The following EIF3H variants were observed in gnomAD, a reference collection of about 807,000 sequenced individuals.
EIF3H encodes eIF-3-gamma.
Under a neutral mutation model 44.2 loss-of-function variants are expected in EIF3H, and 26 were observed. The observed-to-expected ratio is 0.59, with a 90% CI of 0.43 to 0.82. The LOEUF (loss-of-function observed/expected upper bound fraction) is 0.82, where lower values mean the gene tolerates loss of function less well. EIF3H is among the 40% of genes least tolerant of loss of function. The probability of loss-of-function intolerance (pLI) is 0.00; values close to 1 mark genes in which losing one functional copy is unlikely to be tolerated. For missense variants in EIF3H, 359 were observed against 432.8 expected, an observed-to-expected ratio of 0.83 and a Z score of 1.51; for synonymous variants, 166 against 151.9, an observed-to-expected ratio of 1.09 and a Z score of -0.68.
At chr8:116,755,513 C>T (rs1410298264) in intron 1 of EIF3H, among the ~76,000 whole-genome samples, 153 bp downstream of exon 1, 1 of 152,152 alleles carries the variant, frequency 6.6e-6, no homozygotes, top group East Asian at 1.9e-4. Context: ...AGCTCCTGAA[C>T]AAAAAGTGAA....
At chr8:116,736,188 G>GT (rs967185270) in intron 1 of EIF3H, among the ~76,000 whole-genome samples, 1 of 152,184 alleles carries the variant, frequency 6.6e-6, no homozygotes, top group Admixed American at 6.5e-5. Flanking sequence ...CAAAACAATA[G>GT]TAACAGGAAG....
rs181559691 is a variant in EIF3H at position 116,702,418 on chromosome 8, T to C, written c.289+23598A>G. Among the ~76,000 whole-genome samples, 69 of 152,352 alleles carry C rather than the reference T, an allele frequency of 4.5e-4. 2 individuals are homozygous for C. The highest frequency in any genetic ancestry group is 2.8e-3 in the Admixed American group (43 of 15,300). On this transcript the variant is annotated intron_variant, in intron 2 of 7. Coordinates refer to ENST00000521861, the MANE Select transcript of EIF3H (RefSeq NM_003756.3). ...CTTCATCTCCTGAAATCATTTCCTATACCAGTCATTTAGCCATAACCACGT... is the reference window on the plus strand; with the variant it reads ...CTTCATCTCCTGAAATCATTTCCTACACCAGTCATTTAGCCATAACCACGT...
intron 1 of EIF3H, among the ~76,000 whole-genome samples, chr8:116,737,030 G>C (rs1815054000): frequency 6.6e-6 from 1 of 152,056 alleles, no homozygotes; most frequent in Non-Finnish European, 1.5e-5. Context: ...TTTGTTCCTA[G>C]AAAAGCCTGT....
At chr8:116,743,798 AAACACACACACACACACACACAC>A (rs1815179628) in intron 1 of EIF3H, among the ~76,000 whole-genome samples, 19 of 79,664 alleles carry the variant, frequency 2.4e-4, no homozygotes, top group Admixed American at 6.3e-4. Context: ...ATATATATAT[AAACACACACACACACACACACAC>A]ACACACACAC....
At chr8:116,715,252 G>C (rs745938131) in intron 2 of EIF3H, among the ~76,000 whole-genome samples, 14 of 151,696 alleles carry the variant, frequency 9.2e-5, no homozygotes, top group Non-Finnish European at 1.8e-4. Context: ...TATGTTAACA[G>C]TCGACACTAG....
intron 2 of EIF3H, among the ~76,000 whole-genome samples, chr8:116,659,445 A>G (rs1329383188): frequency 6.6e-6 from 1 of 152,220 alleles, no homozygotes; most frequent in Non-Finnish European, 1.5e-5. Flanking sequence ...AAAACTAAGG[A>G]GAAACAACTA....
At chr8:116,752,106 A>G (rs1815353967) in intron 1 of EIF3H, among the ~76,000 whole-genome samples, 1 of 152,244 alleles carries the variant, frequency 6.6e-6, no homozygotes, top group Non-Finnish European at 1.5e-5. Context: ...GACTGGGGTC[A>G]CACACCAATA....
At chr8:116,729,673 A>G (rs1374118589) in intron 1 of EIF3H, among the ~76,000 whole-genome samples, 1 of 152,222 alleles carries the variant, frequency 6.6e-6, no homozygotes, top group Non-Finnish European at 1.5e-5. Flanking sequence ...AACAATCAGT[A>G]TGAGTAAGAA....
At chr8:116,752,753 G>GAAAGAAAGA (rs1586496494) in intron 1 of EIF3H, among the ~76,000 whole-genome samples, 2 of 10,268 alleles carry the variant, frequency 1.9e-4, no homozygotes, top group Non-Finnish European at 4.8e-4. Flanking sequence ...AAGAAAGAAA[G>GAAAGAAAGA]AGGGAGGGAG....
chr8:116,752,164 C>A (rs1469694344), intron 1 of EIF3H, among the ~76,000 whole-genome samples: 2 of 152,088 alleles, frequency 1.3e-5, no homozygotes, highest in Admixed American at 1.3e-4. Flanking sequence ...AAACCATAAA[C>A]CATGAAAATT....
intron 2 of EIF3H, among the ~76,000 whole-genome samples, chr8:116,668,062 CTCAGT>C (rs1813696838): frequency 6.6e-6 from 1 of 152,256 alleles, no homozygotes; most frequent in South Asian, 2.1e-4. Flanking sequence ...TATTTTCTCC[CTCAGT>C]TAAGAGGATT....
At chr8:116,726,689 CAT>C (rs1284111600) in intron 1 of EIF3H, among the ~76,000 whole-genome samples, 3 of 152,210 alleles carry the variant, frequency 2.0e-5, no homozygotes, top group Non-Finnish European at 4.4e-5. Context: ...CGTACCCACA[CAT>C]ATCCAACAAC....
chr8:116,761,703 C>T (rs1815520267), intron 1 of EIF3H, among the ~76,000 whole-genome samples: 1 of 152,178 alleles, frequency 6.6e-6, no homozygotes, highest in Non-Finnish European at 1.5e-5. Context: ...TGGGCACTTC[C>T]TGTTTACTGT....
At chr8:116,753,241 C>T (rs576975935) in intron 1 of EIF3H, among the ~76,000 whole-genome samples, 1 of 152,176 alleles carries the variant, frequency 6.6e-6, no homozygotes, top group South Asian at 2.1e-4. Flanking sequence ...TTAATATCTA[C>T]CCAACCGATG....
chr8:116,735,345 GAA>G (rs908492778), intron 1 of EIF3H, among the ~76,000 whole-genome samples: 2 of 152,192 alleles, frequency 1.3e-5, no homozygotes, highest in African/African-American at 4.8e-5. Flanking sequence ...TGCGAAAGCA[GAA>G]AACAGTAACT....
chr8:116,685,313 G>A (rs184305395), intron 2 of EIF3H, among the ~76,000 whole-genome samples: 66 of 152,256 alleles, frequency 4.3e-4, no homozygotes, highest in Non-Finnish European at 5.0e-4. Context: ...TGCAATCTCC[G>A]TGTTAAACAG....
At chr8:116,745,852 T>G (rs1324016649) in intron 1 of EIF3H, among the ~76,000 whole-genome samples, 1 of 148,996 alleles carries the variant, frequency 6.7e-6, no homozygotes, top group African/African-American at 2.5e-5. Flanking sequence ...ACCTAGGAGG[T>G]GGAGATCACA....
chr8:116,718,194 A>G (rs1427754133), intron 2 of EIF3H, among the ~76,000 whole-genome samples: 1 of 152,092 alleles, frequency 6.6e-6, no homozygotes, highest in East Asian at 1.9e-4. Context: ...ACTCCTAGCT[A>G]AAACGTCCAT....
At chr8:116,651,442 A>C (rs1230372537) in intron 5 of EIF3H, among the ~76,000 whole-genome samples, 8 of 152,238 alleles carry the variant, frequency 5.3e-5, no homozygotes, top group Non-Finnish European at 1.0e-4. Flanking sequence ...TCCAACTAAA[A>C]TATGGATTCT....
Sources: allele counts gnomAD v4.1 joint callset (sites outside exome capture counted in the v4.1 genomes callset), GRCh38; gene constraint gnomAD v4.1.1; transcripts MANE v1.5; gene names NCBI Gene and HGNC (gene_info 2026-07-23, HGNC 2026-07-21).